SPECC1: variants seen among roughly 807,000 people sequenced by gnomAD.
SPECC1 encodes the protein sperm antigen with calponin homology and coiled-coil domains 1, also known as cytospin-B.
A neutral mutation model predicts 104.1 loss-of-function variants in SPECC1; 62 were observed. The ratio of observed to expected loss-of-function variants is 0.60; its 90% confidence interval spans 0.49 to 0.74. SPECC1 has a LOEUF of 0.74. Ranked by LOEUF, SPECC1 falls within the 30% of genes least tolerant of loss-of-function variation. The probability of loss-of-function intolerance (pLI) is 0.00; values close to 1 mark genes in which losing one functional copy is unlikely to be tolerated. For missense variants in SPECC1, 1,306 were observed against 1,310.5 expected, an observed-to-expected ratio of 1.00 and a Z score of 0.05; for synonymous variants, 513 against 501.6, an observed-to-expected ratio of 1.02 and a Z score of -0.30.
In SPECC1 at chr17:20,244,041, A is replaced by G. The variant is rs531975014; in HGVS notation, c.2352-1885A>G. On this transcript the variant is annotated intron_variant, in intron 7 of 14. Coordinates refer to ENST00000395527, the MANE Select transcript of SPECC1 (RefSeq NM_001243439.2). Reference sequence around the variant, plus strand: ...AGACCAGCCTGGGCAACATGGCGAAACCCCATCTCTACTAAAAAAAAAAAA... The same window carrying G: ...AGACCAGCCTGGGCAACATGGCGAAGCCCCATCTCTACTAAAAAAAAAAAA... 2.4e-3 allele frequency among the ~76,000 whole-genome samples: 361 copies of G among 151,864 alleles called. 1 individual carries two copies. The highest frequency in any genetic ancestry group is 8.4e-3 in the African/African-American group (349 of 41,400).
intron 12 of SPECC1, among the ~76,000 whole-genome samples, chr17:20,271,525 G>A (rs2040406119): frequency 6.6e-6 from 1 of 152,012 alleles, no homozygotes; most frequent in Admixed American, 6.5e-5. Context: ...GTTTTTGTCT[G>A]TTTACTTAGT....
intron 14 of SPECC1, among the ~76,000 whole-genome samples, chr17:20,309,617 T>G (rs1303938284): frequency 6.6e-6 from 1 of 152,140 alleles, no homozygotes; most frequent in East Asian, 1.9e-4. Flanking sequence ...CTACCCAATG[T>G]TGAGCTCCAT....
Position 20,290,742 on chromosome 17 carries a change from C to G in SPECC1, c.2941-6219C>G, listed in dbSNP as rs562455040. Among the ~76,000 whole-genome samples the G allele has an allele frequency of 4.8e-4, 73 of 152,298 alleles. No individual in the cohort carries two copies. In the South Asian group the frequency reaches 0.013, roughly 27 times the overall value. Reference sequence around the variant, plus strand: ...ATGTTGCCCAGGCTGGTCTCGAACTCCTAACCTCAAGTGATCTGCCCACCT... The same window carrying G: ...ATGTTGCCCAGGCTGGTCTCGAACTGCTAACCTCAAGTGATCTGCCCACCT... On this transcript the variant is annotated intron_variant, in intron 12 of 14. Transcript: ENST00000395527.
chr17:20,210,739 G>A (rs1205717931), intron 4 of SPECC1, among the ~76,000 whole-genome samples: 2 of 152,166 alleles, frequency 1.3e-5, no homozygotes, highest in Non-Finnish European at 2.9e-5. Flanking sequence ...ATCATGTAGC[G>A]CCTTCCGGTG....
intron 1 of SPECC1, among the ~76,000 whole-genome samples, chr17:20,032,791 C>T (rs1567803302): frequency 6.6e-6 from 1 of 151,936 alleles, no homozygotes; most frequent in East Asian, 1.9e-4. Context: ...CTTGCAGTTT[C>T]CCTTGTCTAC....
At position 20,205,722 on chromosome 17, in the gene SPECC1, T is replaced by G. The variant is rs759231654; in HGVS notation, c.1673T>G (p.Leu558Trp). Reference protein sequence around the residue: ...KMENGSLKSHLQGEKQKATEA... With the variant: ...KMENGSLKSHWQGEKQKATEA... ...GAGAATGGATCTTTGAAGTCTCATT[T>G]GCAGGGTGAGAAGCAGAAAGCCACA... Residue 558 changes from leucine (L) to tryptophan (W), a missense_variant, in exon 4 of 15, where the codon TTG (leucine) becomes TGG (tryptophan). Physicochemically the swap from Leu to Trp is moderately conservative, Grantham distance 61 (BLOSUM62 -2). Transcript: ENST00000395527. 5 of 1,614,210 alleles carry G rather than the reference T, an allele frequency of 3.1e-6. No individual in the cohort carries two copies. The highest frequency in any genetic ancestry group is 1.7e-6 in the Non-Finnish European group (2 of 1,180,032).
At chr17:20,023,143 G>A (rs550257908) in intron 1 of SPECC1, among the ~76,000 whole-genome samples, 1 of 152,254 alleles carries the variant, frequency 6.6e-6, no homozygotes, top group East Asian at 1.9e-4. Context: ...GCTTTGCAGG[G>A]CCGTGTGTTC....
intron 3 of SPECC1, among the ~76,000 whole-genome samples, chr17:20,129,910 C>T (rs2049522311): frequency 6.6e-6 from 1 of 152,034 alleles, no homozygotes; most frequent in African/African-American, 2.4e-5. Flanking sequence ...TGTGCCACTG[C>T]GCCCAGCTAA....
intron 3 of SPECC1, among the ~76,000 whole-genome samples, chr17:20,139,460 T>C (rs2030476062): frequency 1.3e-5 from 2 of 152,344 alleles, no homozygotes; most frequent in South Asian, 2.1e-4. Context: ...CCTGCTCTCA[T>C]GGATCTTACA....
At chr17:20,276,925 A>G (rs186627779) in intron 12 of SPECC1, among the ~76,000 whole-genome samples, 1 of 152,304 alleles carries the variant, frequency 6.6e-6, no homozygotes, top group Admixed American at 6.5e-5. Context: ...ATGGAGGAAG[A>G]GCCATGGGCA....
rs577104446 is a variant in SPECC1, at chr17:20,030,276, T to C, written c.-22+20852T>C. ...TTAACTTACCAGAATATACTTCATA[T>C]TTATAATTTAATTCTAGTTAGATAC... On this transcript the variant is annotated intron_variant, in intron 1 of 14. Coordinates refer to ENST00000395527, the MANE Select transcript of SPECC1 (RefSeq NM_001243439.2). Among the ~76,000 whole-genome samples the C allele has an allele frequency of 2.0e-5, 3 of 152,278 alleles. No homozygotes were observed. In the East Asian group the frequency reaches 5.8e-4, roughly 29 times the overall value.
At chr17:20,098,059 G>A (rs1295455855) in intron 2 of SPECC1, among the ~76,000 whole-genome samples, 1 of 152,084 alleles carries the variant, frequency 6.6e-6, no homozygotes, top group Non-Finnish European at 1.5e-5. Context: ...CACTCTAAGT[G>A]GATAACGTCC....
chr17:20,181,255 T>C (rs542916928), intron 3 of SPECC1, among the ~76,000 whole-genome samples: 22 of 151,968 alleles, frequency 1.4e-4, no homozygotes, highest in African/African-American at 5.3e-4. Flanking sequence ...AATATTCAAC[T>C]TATGAAACTA....
intron 1 of SPECC1, among the ~76,000 whole-genome samples, chr17:20,077,269 A>C (rs1488766688): frequency 6.6e-6 from 1 of 152,162 alleles, no homozygotes; most frequent in Non-Finnish European, 1.5e-5. Flanking sequence ...AACTGGCTTT[A>C]AAAAATGCTA....
intron 1 of SPECC1, among the ~76,000 whole-genome samples, chr17:20,016,615 C>T (rs2044139151): frequency 6.6e-6 from 1 of 152,220 alleles, no homozygotes; most frequent in South Asian, 2.1e-4. Flanking sequence ...AGCACCTGGG[C>T]CAGCAGCTGC....
intron 3 of SPECC1, among the ~76,000 whole-genome samples, chr17:20,201,234 G>C (rs1433712680): frequency 6.6e-6 from 1 of 151,822 alleles, no homozygotes; most frequent in African/African-American, 2.4e-5. Flanking sequence ...CCAAGGCGGG[G>C]AGATCACCTG....
In SPECC1 at chr17:20,260,293, C is replaced by T. The variant is rs776671688; in HGVS notation, c.2939C>T (p.Ala980Val). 2.2e-5 allele frequency: 36 copies of T among 1,613,092 alleles called. No individual in the cohort carries two copies. Among genetic ancestry groups the T allele is most frequent in the South Asian group, 6.6e-5 (6 of 91,002 alleles). The change falls in exon 12 of 15, where the codon GCG (alanine) becomes GTG (valine). Residue 980 changes from alanine (A) to valine (V), a missense_variant and splice_region_variant. By Grantham distance (64) the Ala-to-Val change is moderately conservative. Around this residue, in one of 2 missense-constraint regions of SPECC1, gnomAD observed 129 missense variants for 170.6 expected, o/e 0.76. Transcript: ENST00000395527. ...TGCCAGAAGAAGACACAAGGTTATG[C>T]GGTAAGGGACAACATCAGCCAACTT... ...KWCQKKTQGY[A>V]NIDITNFSSS...
intron 4 of SPECC1, 147 bp downstream of exon 4, chr17:20,206,059 T>G (rs1180363405): frequency 8.5e-7 from 1 of 1,173,196 alleles, no homozygotes; most frequent in Non-Finnish European, 1.2e-6. Context: ...CCTGTTAGAT[T>G]GCACACAGGT....
At chr17:20,215,399 G>A (rs996068031) in intron 4 of SPECC1, among the ~76,000 whole-genome samples, 1 of 152,194 alleles carries the variant, frequency 6.6e-6, no homozygotes, top group African/African-American at 2.4e-5. Flanking sequence ...AACAGATTAA[G>A]TCAAAAGCCA....
Sources: gnomAD v4.1 joint callset for allele counts (sites outside exome capture counted in the v4.1 genomes callset) on GRCh38, gnomAD v4.1.1 for gene constraint, gnomAD v4.1.1 regional missense constraint, MANE v1.5 for transcripts, NCBI Gene and HGNC (gene_info 2026-07-23, HGNC 2026-07-21) for gene names.